WDR1: variants seen among roughly 807,000 people sequenced by gnomAD.
WDR1 encodes the protein WD repeat-containing protein 1.
Under a neutral mutation model 71.9 loss-of-function variants are expected in WDR1, and 21 were observed. That is an observed-to-expected ratio of 0.29 (90% confidence interval 0.21 to 0.42). The LOEUF (loss-of-function observed/expected upper bound fraction) is 0.42, where lower values mean the gene tolerates loss of function less well. WDR1 is among the 10% of genes least tolerant of loss of function. WDR1 has a pLI of 1.00. For missense variants in WDR1, 696 were observed against 824.5 expected (o/e 0.84, Z 1.91); for synonymous variants, 424 against 347.4 (o/e 1.22, Z -2.45).
At chr4:10,089,139 G>C (rs12500653) in intron 5 of WDR1, among the ~76,000 whole-genome samples, 45,451 of 152,128 alleles carry the variant, frequency 0.3, 7,202 homozygotes, top group East Asian at 0.53. Context: ...AGCCCTGTCT[G>C]GCTCTGTTGC....
intron 3 of WDR1, among the ~76,000 whole-genome samples, chr4:10,103,283 C>G (rs1031286672): frequency 2.4e-3 from 66 of 27,844 alleles, no homozygotes; most frequent in Non-Finnish European, 2.9e-3. Context: ...CACACACACA[C>G]ACACAGACAC....
intron 11 of WDR1, among the ~76,000 whole-genome samples, chr4:10,080,342 T>G (rs1187119451): frequency 4.2e-5 from 6 of 143,518 alleles, no homozygotes; most frequent in Non-Finnish European, 6.2e-5. Flanking sequence ...AGAGCCCTGC[T>G]GTGCAGAGAT....
intron 2 of WDR1, among the ~76,000 whole-genome samples, chr4:10,108,928 C>A (rs896969524): frequency 3.7e-4 from 57 of 152,222 alleles, no homozygotes; most frequent in African/African-American, 1.3e-3. Context: ...GCCCCACCTG[C>A]CTTCTGTACT....
intron 5 of WDR1, among the ~76,000 whole-genome samples, chr4:10,090,553 C>A (rs1240835753): frequency 6.6e-6 from 1 of 152,228 alleles, no homozygotes; most frequent in Non-Finnish European, 1.5e-5. Context: ...CAACCCTGGG[C>A]TTCCTGCACT....
intron 2 of WDR1, among the ~76,000 whole-genome samples, chr4:10,112,997 G>A (rs757616435): frequency 2.2e-4 from 33 of 152,224 alleles, no homozygotes; most frequent in Non-Finnish European, 4.4e-4. Flanking sequence ...AAAGACAGAA[G>A]GCCGGGGATG....
chr4:10,081,322 C>T (rs767668527), intron 11 of WDR1, 35 bp downstream of exon 11: 5 of 1,602,844 alleles, frequency 3.1e-6, no homozygotes, highest in Non-Finnish European at 3.4e-6. Flanking sequence ...CACACAGCTG[C>T]AGGCTCCCAC....
chr4:10,107,412 G>A (rs975647758), intron 2 of WDR1, among the ~76,000 whole-genome samples: 5 of 152,146 alleles, frequency 3.3e-5, no homozygotes, highest in East Asian at 1.9e-4. Context: ...CCACCAAGCC[G>A]GTAGTCTTCA....
intron 2 of WDR1, among the ~76,000 whole-genome samples, chr4:10,113,780 T>C (rs1713536553): frequency 6.6e-6 from 1 of 152,248 alleles, no homozygotes; most frequent in Non-Finnish European, 1.5e-5. Context: ...AAAATTAAAA[T>C]GTGGCGCAGT....
At chr4:10,113,622 A>C (rs947347678) in intron 2 of WDR1, among the ~76,000 whole-genome samples, 1 of 152,214 alleles carries the variant, frequency 6.6e-6, no homozygotes, top group Admixed American at 6.5e-5. Flanking sequence ...ACAAGGGTGA[A>C]AGCAAGGAGA....
At chr4:10,105,978 T>G (rs954614294) in intron 2 of WDR1, among the ~76,000 whole-genome samples, 1 of 152,170 alleles carries the variant, frequency 6.6e-6, no homozygotes. Context: ...ATCGCCAACA[T>G]GTTATGCAAA....
At chr4:10,082,970 C>T (rs761620071) in intron 10 of WDR1, 52 bp downstream of exon 10, 41 of 1,566,508 alleles carry the variant, frequency 2.6e-5, no homozygotes, top group Non-Finnish European at 3.5e-5. Flanking sequence ...CACAAGCCCT[C>T]CGAGGGGAGC....
chr4:10,081,010 T>G (rs774535675), intron 11 of WDR1, among the ~76,000 whole-genome samples: 3 of 152,126 alleles, frequency 2.0e-5, no homozygotes, highest in Non-Finnish European at 4.4e-5. Flanking sequence ...AGGGCTGGGA[T>G]GTGAACAGGA....
intron 14 of WDR1, 33 bp from the exon 15 acceptor site, chr4:10,075,517 C>T (rs767489038): frequency 1.3e-6 from 2 of 1,588,542 alleles, no homozygotes; most frequent in African/African-American, 1.3e-5. Context: ...AACGAAAAGC[C>T]AAACTTCTCT....
chr4:10,075,265 T>G lies in WDR1; in HGVS notation c.*113A>C. ...GTCATGACTGGGCCCTCCTGCCTCT[T>G]GTGGTGGGGTGGGGGCATGGGGGCG... On this transcript the variant is annotated 3_prime_UTR_variant, in exon 15 of 15. Coordinates refer to ENST00000499869, the MANE Select transcript of WDR1 (RefSeq NM_017491.5). 8.2e-6 allele frequency: 7 copies of G among 857,178 alleles called. No homozygotes were observed. Among genetic ancestry groups the G allele is most frequent in the Non-Finnish European group, 1.3e-5 (7 of 531,768 alleles). The allele number at this position is 857,178 out of a possible 1,614,324, so 53.1% of individuals were successfully genotyped here.
At chr4:10,087,237 C>T (rs903513662) in intron 8 of WDR1, among the ~76,000 whole-genome samples, 4 of 152,364 alleles carry the variant, frequency 2.6e-5, no homozygotes, top group South Asian at 4.1e-4. Context: ...CTCCAGGCAG[C>T]GCCAAGGCCC....
At chr4:10,109,180 A>G (rs1713200994) in intron 2 of WDR1, among the ~76,000 whole-genome samples, 1 of 152,260 alleles carries the variant, frequency 6.6e-6, no homozygotes, top group Non-Finnish European at 1.5e-5. Context: ...AAAGAAACCA[A>G]GGCAGACACT....
At chr4:10,116,615 G>T (rs971629667) in intron 1 of WDR1, 36 bp downstream of exon 1, 3 of 1,207,946 alleles carry the variant, frequency 2.5e-6, no homozygotes, top group Non-Finnish European at 3.1e-6. Flanking sequence ...GGGGCAGCGC[G>T]GCGGCCGCTC....
intron 3 of WDR1, among the ~76,000 whole-genome samples, chr4:10,099,960 G>T (rs1044249008): frequency 2.0e-5 from 3 of 152,104 alleles, no homozygotes; most frequent in Admixed American, 2.0e-4. Context: ...CCCCCACCAC[G>T]ATCCTGTCAC....
At chr4:10,096,726 C>A (rs1041420947) in intron 5 of WDR1, 1 of 152,232 alleles carries the variant, frequency 6.6e-6, no homozygotes, top group Non-Finnish European at 1.5e-5. Context: ...GTGCTCCTCA[C>A]TGAGCCACTT....
Sources: gnomAD v4.1 joint callset for allele counts (sites outside exome capture counted in the v4.1 genomes callset) on GRCh38, gnomAD v4.1.1 for gene constraint, MANE v1.5 for transcripts, NCBI Gene and HGNC (gene_info 2026-07-23, HGNC 2026-07-21) for gene names.